MAGI2: variants seen among roughly 807,000 people sequenced by gnomAD.
MAGI2 encodes membrane associated guanylate kinase, WW and PDZ domain containing 2, also known as membrane-associated guanylate kinase, WW and PDZ domain-containing protein 2.
A neutral mutation model predicts 133.3 loss-of-function variants in MAGI2; 35 were observed. The observed-to-expected ratio is 0.26, with a 90% CI of 0.20 to 0.35. The LOEUF (loss-of-function observed/expected upper bound fraction) is 0.35. Among genes scored for constraint, MAGI2 ranks in the 10% least tolerant of loss-of-function variants. MAGI2 has a pLI of 1.00. For synonymous variants in MAGI2, 729 were observed against 710.6 expected (o/e 1.03, Z -0.41); for missense variants, 1,636 against 1,863.4 (o/e 0.88, Z 2.25).
chr7:78,166,639 A>G (rs1183279972), intron 15 of MAGI2, among the ~76,000 whole-genome samples: 1 of 152,194 alleles, frequency 6.6e-6, no homozygotes, highest in Non-Finnish European at 1.5e-5. Flanking sequence ...AGGGGGACTT[A>G]GAAAGAAAAG....
intron 6 of MAGI2, among the ~76,000 whole-genome samples, chr7:78,399,778 C>G (rs1796679902): frequency 7.8e-6 from 1 of 128,174 alleles, no homozygotes; most frequent in African/African-American, 3.0e-5. Flanking sequence ...GCACTCCAGC[C>G]TGGTTGACAG....
chr7:78,821,402 G>C (rs1465042361), intron 2 of MAGI2, among the ~76,000 whole-genome samples: 1 of 151,942 alleles, frequency 6.6e-6, no homozygotes, highest in Admixed American at 6.5e-5. Flanking sequence ...GTCAATAACA[G>C]GTTGATAAGT....
At chr7:78,692,531 G>A (rs560874735) in intron 2 of MAGI2, among the ~76,000 whole-genome samples, 2 of 152,142 alleles carry the variant, frequency 1.3e-5, no homozygotes, top group Non-Finnish European at 2.9e-5. Flanking sequence ...TTTAGGATTC[G>A]ATTAAGTGTT....
intron 1 of MAGI2, among the ~76,000 whole-genome samples, chr7:79,037,337 T>C (rs1433127539): frequency 1.3e-5 from 2 of 152,142 alleles, no homozygotes; most frequent in African/African-American, 4.8e-5. Context: ...ATAAAACCCC[T>C]GCGTTTCATG....
intron 3 of MAGI2, among the ~76,000 whole-genome samples, chr7:78,548,106 C>T (rs59042264): frequency 6.6e-6 from 1 of 152,114 alleles, no homozygotes; most frequent in African/African-American, 2.4e-5. Context: ...TTAGAAAGAG[C>T]CTTGACCAAC....
chr7:78,739,288 C>T (rs1822164570), intron 2 of MAGI2, among the ~76,000 whole-genome samples: 1 of 152,130 alleles, frequency 6.6e-6, no homozygotes, highest in Non-Finnish European at 1.5e-5. Context: ...TCGTCAAACA[C>T]CGAACTTGAA....
At chr7:79,028,310 TATACAC>T (rs1562805630) in intron 1 of MAGI2, among the ~76,000 whole-genome samples, 1 of 89,954 alleles carries the variant, frequency 1.1e-5, no homozygotes, top group African/African-American at 4.2e-5. Flanking sequence ...TATATATATA[TATACAC>T]ACATATATAT....
chr7:78,248,860 C>T (rs1792075014), intron 10 of MAGI2, among the ~76,000 whole-genome samples: 1 of 151,836 alleles, frequency 6.6e-6, no homozygotes, highest in South Asian at 2.1e-4. Context: ...AAAAAGCAGA[C>T]AAATGGGATT....
intron 1 of MAGI2, among the ~76,000 whole-genome samples, chr7:79,360,203 T>G (rs1420305164): frequency 6.6e-6 from 1 of 152,100 alleles, no homozygotes; most frequent in Non-Finnish European, 1.5e-5. Flanking sequence ...AAACAGAATG[T>G]TATAAATAGA....
chr7:79,137,805 C>T (rs1294673793), intron 1 of MAGI2, among the ~76,000 whole-genome samples: 2 of 151,960 alleles, frequency 1.3e-5, no homozygotes, highest in Non-Finnish European at 2.9e-5. Flanking sequence ...GAATAGTACC[C>T]CCCACCCCAC....
At chr7:78,390,653 G>A (rs980433410) in intron 6 of MAGI2, among the ~76,000 whole-genome samples, 2 of 151,738 alleles carry the variant, frequency 1.3e-5, no homozygotes, top group Non-Finnish European at 1.5e-5. Context: ...GGGGGGTGGA[G>A]GGGAAGCTAC....
chr7:79,125,375 A>T, intron 1 of MAGI2: 1 of 480,550 alleles, frequency 2.1e-6, no homozygotes, highest in South Asian at 1.6e-5. Context: ...GGGAATGACA[A>T]CTTTGGTCAT....
At chr7:79,091,317 C>T (rs1415322916) in intron 1 of MAGI2, among the ~76,000 whole-genome samples, 2 of 152,192 alleles carry the variant, frequency 1.3e-5, no homozygotes, top group African/African-American at 2.4e-5. Context: ...GTCTATGAAA[C>T]GTCACACCAA....
chr7:78,732,859 G>A (rs1300497952), intron 2 of MAGI2, among the ~76,000 whole-genome samples: 8 of 152,020 alleles, frequency 5.3e-5, no homozygotes, highest in Non-Finnish European at 1.0e-4. Context: ...TTTAATAAAG[G>A]ATTTAGAAAT....
intron 9 of MAGI2, among the ~76,000 whole-genome samples, chr7:78,290,680 T>C (rs955944536): frequency 4.6e-5 from 7 of 152,138 alleles, no homozygotes; most frequent in African/African-American, 1.7e-4. Flanking sequence ...TATTCCAAAA[T>C]TGACCACACA....
At chr7:79,067,975 A>G (rs1584844688) in intron 1 of MAGI2, among the ~76,000 whole-genome samples, 1 of 152,170 alleles carries the variant, frequency 6.6e-6, no homozygotes, top group East Asian at 1.9e-4. Flanking sequence ...TTGGTGGATA[A>G]GCTTTTTGAT....
At chr7:78,351,026 G>C (rs754221714) in intron 7 of MAGI2, among the ~76,000 whole-genome samples, 2 of 152,152 alleles carry the variant, frequency 1.3e-5, no homozygotes, top group Non-Finnish European at 2.9e-5. Flanking sequence ...AGAGAGAAGG[G>C]AGCAGCTTTT....
At chr7:79,175,573 T>C (rs567229227) in intron 1 of MAGI2, among the ~76,000 whole-genome samples, 1 of 152,094 alleles carries the variant, frequency 6.6e-6, no homozygotes, top group African/African-American at 2.4e-5. Flanking sequence ...ATGACAAGGA[T>C]AGTTCTGAGA....
intron 6 of MAGI2, among the ~76,000 whole-genome samples, chr7:78,386,005 A>G (rs1795354627): frequency 6.6e-6 from 1 of 151,706 alleles, no homozygotes; most frequent in Non-Finnish European, 1.5e-5. Context: ...TTCCCCCCCT[A>G]GCTCAAACAG....
Sources: gnomAD v4.1 joint callset for allele counts (sites outside exome capture counted in the v4.1 genomes callset) on GRCh38, gnomAD v4.1.1 for gene constraint, MANE v1.5 for transcripts, NCBI Gene and HGNC (gene_info 2026-07-23, HGNC 2026-07-21) for gene names.